Variants in EP300 observed in about 807,000 individuals in gnomAD.
The protein encoded by EP300 is histone acetyltransferase p300.
Under a neutral mutation model 264.0 loss-of-function variants are expected in EP300, and 31 were observed. The ratio of observed to expected loss-of-function variants is 0.12; its 90% CI spans 0.09 to 0.16. EP300 has a LOEUF of 0.16. EP300 is among the 10% of genes least tolerant of loss of function. EP300 has a pLI of 1.00. For synonymous variants in EP300, 1,340 were observed against 1,045.4 expected (o/e 1.28, Z -5.44); for missense variants, 2,766 against 3,052.9 (o/e 0.91, Z 2.21).
chr22:41,138,227 G>A (rs1034009188), intron 8 of EP300, among the ~76,000 whole-genome samples: 1 of 152,102 alleles, frequency 6.6e-6, no homozygotes, highest in Non-Finnish European at 1.5e-5. Flanking sequence ...GCAGTGGCAC[G>A]ATCTTGGTTC....
intron 20 of EP300, among the ~76,000 whole-genome samples, chr22:41,160,995 A>G (rs968348872): frequency 2.6e-5 from 4 of 152,226 alleles, no homozygotes; most frequent in Admixed American, 6.5e-5. Context: ...TGAGACATCA[A>G]TGAATTAGGG....
At chr22:41,145,020 A>G (rs1569858) in intron 10 of EP300, among the ~76,000 whole-genome samples, 94,559 of 152,048 alleles carry the variant, frequency 0.62, 29,907 homozygotes, top group East Asian at 0.83. Flanking sequence ...AGTCCTCACC[A>G]TTCTCTATTG....
At chr22:41,124,678 C>G (rs2058870735) in intron 2 of EP300, among the ~76,000 whole-genome samples, 1 of 152,092 alleles carries the variant, frequency 6.6e-6, no homozygotes, top group Non-Finnish European at 1.5e-5. Context: ...CATTCAAATG[C>G]TTGAACATGA....
chr22:41,126,195 C>A, intron 3 of EP300, 155 bp downstream of exon 3: 2 of 723,536 alleles, frequency 2.8e-6, no homozygotes, highest in South Asian at 1.8e-5. Context: ...GAGGCTTGTG[C>A]TTCCTTTCCA....
At chr22:41,167,714 A>C (rs550524752) in intron 23 of EP300, among the ~76,000 whole-genome samples, 2 of 136,750 alleles carry the variant, frequency 1.5e-5, no homozygotes, top group East Asian at 4.4e-4. Context: ...GAACTCCTGG[A>C]TTCAAGCAAT....
At position 41,092,729 on chromosome 22, in the gene EP300, G is replaced by A. The variant is rs1601582073; in HGVS notation, c.-276G>A. 1 of 608,460 alleles carries A rather than the reference G, an allele frequency of 1.6e-6. No individual in the cohort carries two copies. Among genetic ancestry groups the A allele is most frequent in the Non-Finnish European group, 3.0e-6 (1 of 335,126 alleles). The allele number at this position is 608,460 out of a possible 1,614,324, so 37.7% of individuals were successfully genotyped here. On this transcript the variant is annotated 5_prime_UTR_variant, in exon 1 of 31. Coordinates refer to ENST00000263253, the MANE Select transcript of EP300 (RefSeq NM_001429.4). Reference sequence around the variant, plus strand: ...AGCCGCGAGTTCTCGGGAATTCGCCGCAGCGGACGCGCTCGGCGAATTTGT... The same window carrying A: ...AGCCGCGAGTTCTCGGGAATTCGCCACAGCGGACGCGCTCGGCGAATTTGT...
intron 1 of EP300, among the ~76,000 whole-genome samples, chr22:41,102,029 C>CTTTTTTTTTTTTT (rs5845488): frequency 4.2e-5 from 5 of 119,256 alleles, no homozygotes; most frequent in Admixed American, 8.8e-5. Context: ...TTTTTCTTTT[C>CTTTTTTTTTTTTT]TTTTTTTTTT....
Position 41,169,464 on chromosome 22 carries a change from A to C in EP300, c.4173-39A>C, listed in dbSNP as rs200251568. ...AGTAAAGAACTCATTATGTGACCTGACTTTTTTTTTCCTCTTCATTTCTCT... is the reference window on the plus strand; with the variant it reads ...AGTAAAGAACTCATTATGTGACCTGCCTTTTTTTTTCCTCTTCATTTCTCT... On this transcript the variant is annotated intron_variant, in intron 25 of 30. Transcript: ENST00000263253. The C allele has an allele frequency of 2.5e-4, 339 of 1,330,650 alleles. 1 individual carries two copies. In the African/African-American group the frequency reaches 4.5e-3, roughly 18 times the overall value. 82.4% of individuals were successfully genotyped at this position (1,330,650 alleles called of 1,614,324 possible).
intron 20 of EP300, among the ~76,000 whole-genome samples, chr22:41,161,661 G>T (rs2059109278): frequency 6.6e-6 from 1 of 151,978 alleles, no homozygotes; most frequent in African/African-American, 2.4e-5. Flanking sequence ...TAAGATGTAG[G>T]CAGTCATTAG....
Position 41,147,878 on chromosome 22 carries a change from A to T in EP300, c.2173A>T (p.Ile725Phe), listed in dbSNP as rs73885743. 6.2e-7 allele frequency: 1 copy of T among 1,614,086 alleles called. No individual in the cohort carries two copies. Among genetic ancestry groups the T allele is most frequent in the Non-Finnish European group, 8.5e-7 (1 of 1,180,002 alleles). The change falls in exon 12 of 31, where the codon ATT becomes TTT. Residue 725 changes from isoleucine (I) to phenylalanine (F), a missense_variant. Physicochemically the swap from Ile to Phe is conservative, Grantham distance 21 (BLOSUM62 0). Transcript: ENST00000263253. ...FGQMSMAQPP[I>F]VPRQTPPLQH... ...CCAGATGAGCATGGCCCAGCCCCCT[A>T]TTGTACCCCGGCAAACCCCTCCTCT...
chr22:41,146,359 G>A (rs562225003), intron 10 of EP300, among the ~76,000 whole-genome samples: 48 of 152,042 alleles, frequency 3.2e-4, no homozygotes, highest in Non-Finnish European at 5.7e-4. Flanking sequence ...TAGAGACAGG[G>A]TTTCGCCATG....
intron 25 of EP300, 37 bp from the exon 26 acceptor site, chr22:41,169,465 CT>C (rs748268311): frequency 1.2e-4 from 165 of 1,374,350 alleles, no homozygotes; most frequent in Middle Eastern, 4.8e-4. Flanking sequence ...TGTGACCTGA[CT>C]TTTTTTTTCC....
chr22:41,115,831 A>T (rs2058817802), intron 1 of EP300, among the ~76,000 whole-genome samples: 1 of 152,086 alleles, frequency 6.6e-6, no homozygotes. Context: ...CAGGTCAAAA[A>T]CTCCGCCTGT....
At chr22:41,116,030 T>A (rs1007367735) in intron 1 of EP300, among the ~76,000 whole-genome samples, 2 of 152,172 alleles carry the variant, frequency 1.3e-5, no homozygotes, top group African/African-American at 2.4e-5. Flanking sequence ...TGTGTAGATA[T>A]TTTAACTGTT....
At chr22:41,149,662 T>C in intron 13 of EP300, 99 bp from the exon 14 acceptor site, 2 of 1,242,596 alleles carry the variant, frequency 1.6e-6, no homozygotes, top group Non-Finnish European at 2.3e-6. Context: ...TACTCTTTGT[T>C]TAATCAGTTT....
chr22:41,115,719 C>G (rs2058817203), intron 1 of EP300, among the ~76,000 whole-genome samples: 1 of 152,174 alleles, frequency 6.6e-6, no homozygotes, highest in Non-Finnish European at 1.5e-5. Context: ...GTCTTGCACC[C>G]TGTTTTTGGT....
chr22:41,119,456 A>G (rs999448882), intron 2 of EP300, among the ~76,000 whole-genome samples: 1 of 152,074 alleles, frequency 6.6e-6, no homozygotes, highest in African/African-American at 2.4e-5. Flanking sequence ...AGTCCTTGCC[A>G]CCGATGTTTA....
At chr22:41,101,938 A>C (rs770379098) in intron 1 of EP300, among the ~76,000 whole-genome samples, 10 of 152,094 alleles carry the variant, frequency 6.6e-5, no homozygotes, top group Non-Finnish European at 1.3e-4. Context: ...AACTTGTAGC[A>C]CTAGAGACTC....
chr22:41,129,638 G>T (rs1601605942), intron 4 of EP300, among the ~76,000 whole-genome samples: 1 of 152,168 alleles, frequency 6.6e-6, no homozygotes, highest in Non-Finnish European at 1.5e-5. Context: ...AAAAATGAGG[G>T]CTCTTAAGCC....
Sources: gnomAD v4.1 joint callset for allele counts (sites outside exome capture counted in the v4.1 genomes callset) on GRCh38, gnomAD v4.1.1 for gene constraint, MANE v1.5 for transcripts, NCBI Gene and HGNC (gene_info 2026-07-23, HGNC 2026-07-21) for gene names.